TESPA1: variants seen among roughly 807,000 people sequenced by gnomAD.
The protein encoded by TESPA1 is protein TESPA1.
TESPA1 carries 33 observed loss-of-function variants against 57.9 expected under a neutral mutation model. That is an observed-to-expected ratio of 0.57 (90% CI 0.43 to 0.76). The LOEUF is 0.76. Ranked by LOEUF, TESPA1 falls within the 30% of genes least tolerant of loss-of-function variation. TESPA1 has a pLI of 0.00. For synonymous variants in TESPA1, 227 were observed against 228.9 expected (o/e 0.99, Z 0.07); for missense variants, 618 against 632.9 (o/e 0.98, Z 0.25).
rs949978395 is a variant in TESPA1, at chr12:54,949,434, C to T, written c.*958G>A. ...ATTTATTAGGCAGCCAAATAATATA[C>T]TTCTGGAAATGCGTGCATCTTACTT... is the stretch of plus-strand genomic sequence containing the variant. On this transcript the variant is annotated 3_prime_UTR_variant, in exon 11 of 11. Transcript: ENST00000449076. 6.8e-6 allele frequency: 1 copy of T among 147,152 alleles called. No individual in the cohort carries two copies. Among genetic ancestry groups the T allele is most frequent in the Non-Finnish European group, 1.5e-5 (1 of 67,206 alleles). 9.1% of individuals were successfully genotyped at this position (147,152 alleles called of 1,614,324 possible). A position where few individuals can be genotyped will look rare whatever the true frequency, so the allele number is the denominator to read the frequency against.
intron 10 of TESPA1, among the ~76,000 whole-genome samples, chr12:54,957,132 G>C (rs74092412): frequency 6.6e-6 from 1 of 152,108 alleles, no homozygotes; most frequent in Non-Finnish European, 1.5e-5. Flanking sequence ...AATGGAGCTC[G>C]CTCTTAGAAG....
chr12:54,979,323 A>G (rs1382485733), intron 1 of TESPA1, among the ~76,000 whole-genome samples: 5 of 152,176 alleles, frequency 3.3e-5, no homozygotes, highest in African/African-American at 7.2e-5. Flanking sequence ...ATGTGATCAT[A>G]TTTAGTCTTC....
intron 3 of TESPA1, among the ~76,000 whole-genome samples, chr12:54,969,225 C>A (rs913869305): frequency 1.3e-5 from 2 of 151,290 alleles, no homozygotes; most frequent in African/African-American, 4.9e-5. Context: ...ATAGGTAACT[C>A]TAATAATGCA....
At position 54,973,402 on chromosome 12, in the gene TESPA1, A is replaced by C. The variant is rs1360600189; in HGVS notation, c.206+75T>G. 6.3e-6 allele frequency: 10 copies of C among 1,595,926 alleles called. No homozygotes were observed. The Admixed American group carries it at 1.7e-4, about 27-fold the overall frequency. On this transcript the variant is annotated intron_variant, in intron 3 of 10. Coordinates refer to ENST00000449076, the MANE Select transcript of TESPA1 (RefSeq NM_001136030.3). ...AATCAAATCCATCTTCCCGTCTCTG[A>C]GTTTCCAGGAGTTGTGTCTGTTAGC... is the stretch of plus-strand genomic sequence containing the variant.
intron 10 of TESPA1, among the ~76,000 whole-genome samples, chr12:54,953,755 C>T (rs923322424): frequency 2.6e-5 from 4 of 152,048 alleles, no homozygotes; most frequent in African/African-American, 7.2e-5. Context: ...CTCCTGACCT[C>T]GTGATCTGCC....
At chr12:54,975,683 G>GAATAAAATAAAATAA (rs59729826) in intron 1 of TESPA1, among the ~76,000 whole-genome samples, 12,609 of 148,436 alleles carry the variant, frequency 0.085, 603 homozygotes, top group African/African-American at 0.11. Flanking sequence ...TTAACTATTG[G>GAATAAAATAAAATAA]AATAAAATAA....
rs762957808 is a variant in TESPA1 at position 54,950,398 on chromosome 12, G to A, written c.*2-8C>T. On this transcript the variant is annotated splice_region_variant and splice_polypyrimidine_tract_variant and intron_variant, in intron 10 of 10. Transcript: ENST00000449076. ...TGTGGTGGTGGAGAAAGCCTGCAAT[G>A]GGAATAAAAAAGATACATATCATGC... The A allele has an allele frequency of 2.2e-6, 1 of 452,280 alleles. No homozygotes were observed. Among genetic ancestry groups the A allele is most frequent in the Non-Finnish European group, 4.4e-6 (1 of 225,436 alleles). 28.0% of individuals were successfully genotyped at this position (452,280 alleles called of 1,614,324 possible). A position where few individuals can be genotyped will look rare whatever the true frequency, so the allele number is the denominator to read the frequency against.
intron 10 of TESPA1, among the ~76,000 whole-genome samples, chr12:54,958,312 G>C (rs1950859800): frequency 6.6e-6 from 1 of 152,118 alleles, no homozygotes; most frequent in African/African-American, 2.4e-5. Context: ...TCAATTCTTG[G>C]CAAGAACCTA....
intron 8 of TESPA1, 131 bp downstream of exon 8, chr12:54,963,611 A>T: frequency 2.9e-6 from 3 of 1,020,474 alleles, no homozygotes; most frequent in Non-Finnish European, 4.3e-6. Context: ...AAGACAACAT[A>T]AGAGGAAATA....
chr12:54,973,646 G>A (rs1466618516), intron 2 of TESPA1, 127 bp from the exon 3 acceptor site: 2 of 1,533,184 alleles, frequency 1.3e-6, no homozygotes, highest in Non-Finnish European at 1.8e-6. Context: ...TCTACATAAA[G>A]CTTTTCTTTA....
intron 4 of TESPA1, 103 bp downstream of exon 4, chr12:54,967,740 C>T (rs561343411): frequency 1.2e-4 from 162 of 1,352,562 alleles, no homozygotes; most frequent in Non-Finnish European, 1.5e-4. Flanking sequence ...GACTCTTTTG[C>T]ATGCCTATGC....
intron 1 of TESPA1, chr12:54,983,943 C>T (rs992753598): frequency 1.3e-5 from 2 of 152,244 alleles, no homozygotes; most frequent in Non-Finnish European, 2.9e-5. Context: ...AAATCTGGTC[C>T]TGATGGTGGC....
rs975677562 is a variant in TESPA1 at position 54,949,239 on chromosome 12, A to G, written c.*1153T>C. 2.1e-4 allele frequency: 32 copies of G among 152,178 alleles called. No individual in the cohort carries two copies. Among genetic ancestry groups the G allele is most frequent in the African/African-American group, 7.0e-4 (29 of 41,436 alleles). The allele number at this position is 152,178 out of a possible 1,614,324, so 9.4% of individuals were successfully genotyped here. On this transcript the variant is annotated 3_prime_UTR_variant, in exon 11 of 11. Coordinates refer to ENST00000449076, the MANE Select transcript of TESPA1 (RefSeq NM_001136030.3). ...TTGTCTCTGCCTCACTACGTATCAG[A>G]CTCAGTTTGTGCCTTCTCCCCTAAT... is the stretch of plus-strand genomic sequence containing the variant.
At position 54,962,489 on chromosome 12, in the gene TESPA1, C is replaced by T. The variant is rs1951144278; in HGVS notation, c.1409G>A (p.Arg470Lys). The T allele has an allele frequency of 6.2e-7, 1 of 1,613,158 alleles. No homozygotes were observed. The highest frequency in any genetic ancestry group is 1.7e-5 in the Admixed American group (1 of 60,010). The stretch of plus-strand genomic sequence containing the variant: ...GCTTAAAGACCGACGCAGTTCTGGT[C>T]TGTCTACACTCTGCTTCCATTTCTG... ...TQQKWKQSVD[R>K]PELRRSLSQQ... Residue 470 changes from arginine to lysine, a missense_variant, in exon 9 of 11, where the codon AGA becomes AAA. Physicochemically the swap from Arg to Lys is conservative, Grantham distance 26. Around this residue, in one of 3 missense-constraint regions of TESPA1, gnomAD observed 409 missense variants for 420.1 expected, o/e 0.97. Coordinates refer to ENST00000449076, the MANE Select transcript of TESPA1 (RefSeq NM_001136030.3).
At position 54,955,655 on chromosome 12, in the gene TESPA1, G is replaced by A. The variant is rs1156798039; in HGVS notation, c.*2-5265C>T. On this transcript the variant is annotated intron_variant, in intron 10 of 10. Coordinates refer to ENST00000449076, the MANE Select transcript of TESPA1 (RefSeq NM_001136030.3). The stretch of plus-strand genomic sequence containing the variant: ...TGGCTATGTACAAGGGTAAGATTTC[G>A]TTCTGTGTTTGCAATCTGTTTAGTG... 2.6e-5 allele frequency among the ~76,000 whole-genome samples: 4 copies of A among 152,284 alleles called. No homozygotes were observed. In the East Asian group the frequency reaches 5.8e-4, roughly 22 times the overall value.
At chr12:54,959,903 C>T (rs2256870) in intron 10 of TESPA1, among the ~76,000 whole-genome samples, 93,755 of 151,970 alleles carry the variant, frequency 0.62, 29,693 homozygotes, top group Non-Finnish European at 0.68. Context: ...TGACTAAATA[C>T]ATACATATGA....
intron 3 of TESPA1, among the ~76,000 whole-genome samples, chr12:54,972,289 T>G (rs1428363207): frequency 2.0e-5 from 3 of 152,224 alleles, no homozygotes; most frequent in Admixed American, 2.0e-4. Context: ...AAATATGTTC[T>G]AAGTCAATGA....
At chr12:54,966,778 G>A (rs764362279) in intron 5 of TESPA1, among the ~76,000 whole-genome samples, 2 of 152,144 alleles carry the variant, frequency 1.3e-5, no homozygotes, top group Non-Finnish European at 2.9e-5. Context: ...ACACTGGTAG[G>A]TTGCTGTGCT....
Position 54,974,473 on chromosome 12 carries a change from T to C in TESPA1, c.90A>G (p.Glu30=), listed in dbSNP as rs1952040252. ...QSRNWQTQVL[E]EEAAAALQDV... ...CCTGCAGGGCGGCGGCAGCCTCCTCTTCTAGGACCTGGGTCTGCCAGTTAC... is the reference window on the plus strand; with the variant it reads ...CCTGCAGGGCGGCGGCAGCCTCCTCCTCTAGGACCTGGGTCTGCCAGTTAC... Residue 30 remains glutamate (E), a synonymous_variant, in exon 2 of 11, where the codon GAA becomes GAG. Transcript: ENST00000449076. 3 of 1,607,142 alleles carry C rather than the reference T, an allele frequency of 1.9e-6. No individual in the cohort carries two copies. Among genetic ancestry groups the C allele is most frequent in the Non-Finnish European group, 2.5e-6 (3 of 1,176,920 alleles).
Sources: gnomAD v4.1 joint callset for allele counts (sites outside exome capture counted in the v4.1 genomes callset) on GRCh38, gnomAD v4.1.1 for gene constraint, gnomAD v4.1.1 regional missense constraint, MANE v1.5 for transcripts, NCBI Gene and HGNC (gene_info 2026-07-23, HGNC 2026-07-21) for gene names.